Variants in MGAM observed in about 807,000 individuals in gnomAD.
MGAM encodes alpha-1,4-glucosidase.
A neutral mutation model predicts 358.8 loss-of-function variants in MGAM; 253 were observed. The observed-to-expected ratio is 0.71, with a 90% CI of 0.64 to 0.78. The LOEUF (loss-of-function observed/expected upper bound fraction) is 0.78. MGAM is among the 30% of genes least tolerant of loss of function. The probability of loss-of-function intolerance (pLI) is 0.00; values close to 1 mark genes in which losing one functional copy is unlikely to be tolerated. For synonymous variants in MGAM, 1,105 were observed against 1,227.1 expected, an observed-to-expected ratio of 0.90 and a Z score of 2.08; for missense variants, 3,080 against 3,432.6, an observed-to-expected ratio of 0.90 and a Z score of 2.57.
At position 142,067,454 on chromosome 7, in the gene MGAM, G is replaced by T. The variant is rs547079134; in HGVS notation, c.5004+29G>T. On this transcript the variant is annotated intron_variant, in intron 42 of 70. Transcript: ENST00000475668. ...AGTATGGAGGCCTCCGATGAGGGGA[G>T]GATCCCAGCTGTGAGGCTTGGGGAA... The T allele has an allele frequency of 4.9e-4, 741 of 1,515,122 alleles. 90 individuals carry two copies. Among genetic ancestry groups the T allele is most frequent in the Non-Finnish European group, 6.0e-4 (659 of 1,096,588 alleles). The allele number at this position is 1,515,122 out of a possible 1,614,324, so 93.9% of individuals were successfully genotyped here.
chr7:142,082,644 GC>G (rs1308150914), intron 52 of MGAM, 73 bp downstream of exon 52: 1 of 1,193,842 alleles, frequency 8.4e-7, no homozygotes, highest in African/African-American at 1.5e-5. Context: ...AATGTGTTTA[GC>G]CTAACTGTTC....
At chr7:142,090,661 A>G (rs1815296201) in intron 57 of MGAM, among the ~76,000 whole-genome samples, 1 of 145,816 alleles carries the variant, frequency 6.9e-6, no homozygotes, top group East Asian at 2.0e-4. Flanking sequence ...TCCCCAGACC[A>G]AGTCCTCATT....
At chr7:142,040,378 T>G in intron 20 of MGAM, 1 of 592,616 alleles carries the variant, frequency 1.7e-6, no homozygotes, top group East Asian at 2.8e-5. Context: ...CTTCATATAC[T>G]TTATTTAGCA....
At position 142,062,687 on chromosome 7, in the gene MGAM, T is replaced by G. The variant is rs372526101; in HGVS notation, c.4242T>G (p.Phe1414Leu). 5.7e-5 allele frequency: 92 copies of G among 1,609,706 alleles called. 1 individual carries two copies. Among genetic ancestry groups the G allele is most frequent in the Non-Finnish European group, 7.4e-5 (87 of 1,178,370 alleles). ...AGAATCCAGAGAGGAGCTTGAAGTT[T>G]GATGGCATGTGGATTGTAAGTGTGT... ...NPQNPERSLK[F>L]DGMWIDMNEP... The change falls in exon 35 of 71, where the codon TTT (phenylalanine) becomes TTG (leucine). Residue 1414 changes from phenylalanine (F) to leucine (L), a missense_variant. Coordinates refer to ENST00000475668, the MANE Select transcript of MGAM (RefSeq NM_001365693.1).
At chr7:142,060,844 G>A (rs1208220680) in intron 34 of MGAM, among the ~76,000 whole-genome samples, 2 of 151,944 alleles carry the variant, frequency 1.3e-5, no homozygotes, top group Non-Finnish European at 2.9e-5. Flanking sequence ...ATGAACAGGT[G>A]TCTCCATCTT....
At chr7:142,057,434 A>ATGGTGGTGGTGG (rs1367178430) in intron 30 of MGAM, among the ~76,000 whole-genome samples, 2 of 138,602 alleles carry the variant, frequency 1.4e-5, no homozygotes, top group Non-Finnish European at 3.0e-5. Flanking sequence ...GGTGTTGGTT[A>ATGGTGGTGGTGG]TGGTGGTGGT....
chr7:141,998,998 A>G (rs999036523), intron 1 of MGAM, among the ~76,000 whole-genome samples: 13 of 152,182 alleles, frequency 8.5e-5, no homozygotes, highest in Non-Finnish European at 1.8e-4. Context: ...CTTTTTCTCC[A>G]TATACTTACA....
intron 26 of MGAM, among the ~76,000 whole-genome samples, chr7:142,054,447 A>T (rs2129033916): frequency 6.6e-6 from 1 of 152,180 alleles, no homozygotes; most frequent in East Asian, 1.9e-4. Flanking sequence ...ATTTATATAT[A>T]CTCATATACC....
At chr7:142,028,278 T>G (rs1807152541) in intron 10 of MGAM, among the ~76,000 whole-genome samples, 1 of 152,154 alleles carries the variant, frequency 6.6e-6, no homozygotes, top group South Asian at 2.1e-4. Context: ...GTTCTTAGGT[T>G]TAGTGTCAGG....
chr7:142,036,370 G>A, intron 17 of MGAM, 85 bp downstream of exon 17: 1 of 1,005,782 alleles, frequency 9.9e-7, no homozygotes, highest in South Asian at 1.4e-5. Context: ...GAGATCTGCT[G>A]AACCAACCTC....
intron 70 of MGAM, among the ~76,000 whole-genome samples, chr7:142,104,324 G>A (rs1166990239): frequency 6.6e-6 from 1 of 152,120 alleles, no homozygotes; most frequent in Non-Finnish European, 1.5e-5. Context: ...ATGTGAAGAA[G>A]CACTAGAAAT....
chr7:142,061,860 A>G (rs1399486131), intron 34 of MGAM, among the ~76,000 whole-genome samples: 2 of 152,218 alleles, frequency 1.3e-5, no homozygotes, highest in East Asian at 1.9e-4. Flanking sequence ...GGGCAATATA[A>G]ATATCACTCA....
chr7:142,050,114 A>G (rs1810795099), intron 22 of MGAM, 121 bp from the exon 23 acceptor site: 3 of 861,240 alleles, frequency 3.5e-6, no homozygotes, highest in East Asian at 2.4e-5. Flanking sequence ...TTATTCATCC[A>G]TAAGGAAAAG....
In MGAM at chr7:142,036,922, C is replaced by G. The variant is rs782588998; in HGVS notation, c.2176C>G (p.Leu726Val). Residue 726 changes from leucine to valine, a missense_variant, in exon 18 of 71, where the codon CTC becomes GTC. Leu to Val is a conservative substitution (Grantham distance 32, BLOSUM62 1). Transcript: ENST00000475668. ...TACTCTATTGCCCTACCTATACACC[C>G]TCTTCTTCCGTGCTCACAGCCGAGG... ...RYTLLPYLYT[L>V]FFRAHSRGDT... 1 of 1,613,796 alleles carries G rather than the reference C, an allele frequency of 6.2e-7. No homozygotes were observed. The highest frequency in any genetic ancestry group is 8.5e-7 in the Non-Finnish European group (1 of 1,179,700).
At chr7:142,041,271 T>A (rs1808504034) in intron 21 of MGAM, among the ~76,000 whole-genome samples, 1 of 152,146 alleles carries the variant, frequency 6.6e-6, no homozygotes, top group African/African-American at 2.4e-5. Context: ...CCATCTGTAC[T>A]AAAGAGGTGC....
chr7:142,009,861 G>T (rs968354478), intron 3 of MGAM, among the ~76,000 whole-genome samples: 1 of 152,092 alleles, frequency 6.6e-6, no homozygotes, highest in Non-Finnish European at 1.5e-5. Context: ...GAGAGCTGAG[G>T]CTATGGATAA....
chr7:141,999,914 A>C (rs1804600194), intron 1 of MGAM, among the ~76,000 whole-genome samples: 1 of 152,068 alleles, frequency 6.6e-6, no homozygotes, highest in Non-Finnish European at 1.5e-5. Flanking sequence ...GTTTTTTTTA[A>C]GGTTTAAGGA....
Position 142,050,008 on chromosome 7 carries a change from C to G in MGAM, c.2588-227C>G, listed in dbSNP as rs557879614. On this transcript the variant is annotated intron_variant, in intron 22 of 70. Coordinates refer to ENST00000475668, the MANE Select transcript of MGAM (RefSeq NM_001365693.1). ...GATACAGTCACTCCCACGTTCATTACAGCATTATGTGCAACAACCAAGATA... is the reference window on the plus strand; with the variant it reads ...GATACAGTCACTCCCACGTTCATTAGAGCATTATGTGCAACAACCAAGATA... 3.3e-5 allele frequency among the ~76,000 whole-genome samples: 5 copies of G among 152,266 alleles called. No individual in the cohort carries two copies. The South Asian group carries it at 1.0e-3, about 32-fold the overall frequency.
intron 17 of MGAM, 99 bp from the exon 18 acceptor site, chr7:142,036,724 A>G (rs1808027223): frequency 3.0e-6 from 4 of 1,321,088 alleles, no homozygotes; most frequent in South Asian, 1.4e-5. Context: ...GTCATTCAGG[A>G]GGGAAATTCT....
Sources: gnomAD v4.1 joint callset for allele counts (sites outside exome capture counted in the v4.1 genomes callset) on GRCh38, gnomAD v4.1.1 for gene constraint, MANE v1.5 for transcripts, NCBI Gene and HGNC (gene_info 2026-07-23, HGNC 2026-07-21) for gene names.